Variants in BPI observed in about 807,000 individuals in gnomAD.
The protein encoded by BPI is bactericidal permeability-increasing protein.
Under a neutral mutation model 57.6 loss-of-function variants are expected in BPI, and 48 were observed. That is an observed-to-expected ratio of 0.83 (90% CI 0.66 to 1.06). The LOEUF is 1.06. Ranked by LOEUF, BPI falls within the 50% of genes least tolerant of loss-of-function variation. The pLI is 0.00. For missense variants in BPI, 651 were observed against 609.7 expected, an observed-to-expected ratio of 1.07 and a Z score of -0.71; for synonymous variants, 237 against 238.2, an observed-to-expected ratio of 0.99 and a Z score of 0.05.
chr20:38,310,781 G>T, intron 4 of BPI, 129 bp downstream of exon 4: 1 of 1,251,252 alleles, frequency 8.0e-7, no homozygotes, highest in Non-Finnish European at 1.1e-6. Context: ...CCTCAGGCAT[G>T]GTATGGGGGC....
In BPI at chr20:38,309,063, G is replaced by T. The variant is rs146270213; in HGVS notation, c.374+5G>T. On this transcript the variant is annotated splice_donor_5th_base_variant and intron_variant, in intron 3 of 14. Transcript: ENST00000642449. ...GAAGGCACAAAAGAGATTCTTGTGC[G>T]TTTCCATGCTTGCGGTTTGTTGGGT... The T allele has an allele frequency of 6.2e-7, 1 of 1,614,050 alleles. No individual in the cohort carries two copies. Among genetic ancestry groups the T allele is most frequent in the Admixed American group, 1.7e-5 (1 of 60,022 alleles).
chr20:38,320,375 C>T (rs1600705720), intron 7 of BPI, 101 bp downstream of exon 7: 2 of 1,042,330 alleles, frequency 1.9e-6, no homozygotes, highest in East Asian at 5.2e-5. Flanking sequence ...CCCCTACTTC[C>T]TATCTGACTC....
intron 9 of BPI, 66 bp from the exon 10 acceptor site, chr20:38,326,199 G>T: frequency 6.6e-7 from 1 of 1,510,868 alleles, no homozygotes; most frequent in Admixed American, 1.9e-5. Context: ...GCAGGCCAAG[G>T]TAGGATTCAG....
chr20:38,310,373 C>T (rs1169649415), intron 3 of BPI, 118 bp from the exon 4 acceptor site: 18 of 1,248,654 alleles, frequency 1.4e-5, no homozygotes, highest in Admixed American at 1.0e-4. Context: ...TCTCTCTGAA[C>T]GTACCTCCTC....
chr20:38,327,267 T>C (rs1398341000), intron 10 of BPI, among the ~76,000 whole-genome samples: 1 of 152,248 alleles, frequency 6.6e-6, no homozygotes, highest in Non-Finnish European at 1.5e-5. Flanking sequence ...AACCGGGGAC[T>C]TCCTTCTCAT....
intron 1 of BPI, among the ~76,000 whole-genome samples, chr20:38,305,626 A>G (rs1163943787): frequency 6.6e-6 from 1 of 152,072 alleles, no homozygotes; most frequent in Non-Finnish European, 1.5e-5. Context: ...AACCCCCAGA[A>G]AGCCTTCTCT....
intron 8 of BPI, 33 bp from the exon 9 acceptor site, chr20:38,324,741 C>T: frequency 6.4e-7 from 1 of 1,571,552 alleles, no homozygotes; most frequent in South Asian, 1.1e-5. Context: ...GTAACAGCAT[C>T]CTCCGAGATC....
chr20:38,318,355 C>A, intron 5 of BPI, 58 bp from the exon 6 acceptor site: 1 of 1,532,954 alleles, frequency 6.5e-7, no homozygotes, highest in South Asian at 1.1e-5. Flanking sequence ...CCGTTATTGT[C>A]AAGGGACATT....
chr20:38,327,684 G>A, intron 11 of BPI, 29 bp downstream of exon 11: 1 of 1,607,814 alleles, frequency 6.2e-7, no homozygotes, highest in South Asian at 1.1e-5. Flanking sequence ...GGAGGAGGGG[G>A]CTGCCCCTCT....
chr20:38,323,058 ATATTTCC>A, intron 7 of BPI, among the ~76,000 whole-genome samples: 1 of 152,332 alleles, frequency 6.6e-6, no homozygotes, highest in Middle Eastern at 3.4e-3. Flanking sequence ...CCATTTTGTC[ATATTTCC>A]TTCTGATTTT....
chr20:38,308,974 T>C lies in BPI; in HGVS notation c.290T>C (p.Met97Thr), dbSNP rs765285174. The C allele has an allele frequency of 1.2e-6, 2 of 1,614,236 alleles. No individual in the cohort carries two copies. Among genetic ancestry groups the C allele is most frequent in the Admixed American group, 3.3e-5 (2 of 60,032 alleles). The change falls in exon 3 of 15, where the codon ATG (methionine) becomes ACG (threonine). Residue 97 changes from methionine (M) to threonine (T), a missense_variant. Transcript: ENST00000642449. ...EFQLPSSQIS[M>T]VPNVGLKFSI... Reference sequence around the variant, plus strand: ...CAGCTTCCCAGTTCCCAGATAAGCATGGTGCCCAATGTGGGCCTTAAGTTC... The same window carrying C: ...CAGCTTCCCAGTTCCCAGATAAGCACGGTGCCCAATGTGGGCCTTAAGTTC...
At position 38,326,466 on chromosome 20, in the gene BPI, C is replaced by A. The variant is rs375867874; in HGVS notation, c.1161+34C>A. Reference sequence around the variant, plus strand: ...TTCCTGGGTTGGACAGATGAGGAGCCCCAGACAGTCCCAACAGCACTGTCT... The same window carrying A: ...TTCCTGGGTTGGACAGATGAGGAGCACCAGACAGTCCCAACAGCACTGTCT... On this transcript the variant is annotated intron_variant, in intron 10 of 14. Coordinates refer to ENST00000642449, the MANE Select transcript of BPI (RefSeq NM_001725.3). 3.8e-6 allele frequency: 6 copies of A among 1,582,298 alleles called. No individual in the cohort carries two copies. In the African/African-American group the frequency reaches 8.1e-5, roughly 21 times the overall value.
At chr20:38,319,694 T>C (rs2076671350) in intron 6 of BPI, 1 of 152,984 alleles carries the variant, frequency 6.5e-6, no homozygotes, top group Admixed American at 6.5e-5. Context: ...CTCTCCAGAC[T>C]TGAGCCAGCC....
At chr20:38,336,476 G>A (rs1018043985) in intron 14 of BPI, among the ~76,000 whole-genome samples, 5 of 151,848 alleles carry the variant, frequency 3.3e-5, no homozygotes, top group African/African-American at 9.7e-5. Context: ...TCCCCACAAA[G>A]CTGTCACCTC....
At chr20:38,321,495 A>G (rs2076685483) in intron 7 of BPI, 1 of 151,908 alleles carries the variant, frequency 6.6e-6, no homozygotes. Flanking sequence ...TTCTTATAGT[A>G]CCATGTGGAT....
chr20:38,314,931 G>A (rs114905960), intron 5 of BPI, among the ~76,000 whole-genome samples: 311 of 151,216 alleles, frequency 2.1e-3, no homozygotes, highest in African/African-American at 3.9e-3. Flanking sequence ...AGTATACACC[G>A]ATTTAATAGG....
At chr20:38,326,675 C>T (rs1433614381) in intron 10 of BPI, 1 of 453,424 alleles carries the variant, frequency 2.2e-6, no homozygotes, top group Non-Finnish European at 3.8e-6. Flanking sequence ...ATTTCTCATT[C>T]ATTCAATTAT....
In BPI at chr20:38,331,089, C is replaced by G. The variant is rs375769120; in HGVS notation, c.1271C>G (p.Pro424Arg). 1.2e-6 allele frequency: 2 copies of G among 1,613,992 alleles called. No homozygotes were observed. The highest frequency in any genetic ancestry group is 2.7e-5 in the African/African-American group (2 of 74,900). ...ELKHSNIGPFPVELLQDIMNY... is the reference protein window; with the variant it reads ...ELKHSNIGPFRVELLQDIMNY... ...AAGCACTCAAATATTGGCCCCTTCCCGGTGAGTCTGAGGCCCTTGGTGGCT... is the reference window on the plus strand; with the variant it reads ...AAGCACTCAAATATTGGCCCCTTCCGGGTGAGTCTGAGGCCCTTGGTGGCT... The change falls in exon 12 of 15, where the codon CCG becomes CGG. Residue 424 changes from proline (P) to arginine (R), a missense_variant and splice_region_variant. Transcript: ENST00000642449.
intron 12 of BPI, 65 bp from the exon 13 acceptor site, chr20:38,334,365 G>T (rs2076756745): frequency 6.8e-7 from 1 of 1,465,296 alleles, no homozygotes; most frequent in South Asian, 1.1e-5. Flanking sequence ...GGGTGATGAG[G>T]ACTGCTGGAC....
Sources: gnomAD v4.1 joint callset for allele counts (sites outside exome capture counted in the v4.1 genomes callset) on GRCh38, gnomAD v4.1.1 for gene constraint, MANE v1.5 for transcripts, NCBI Gene and HGNC (gene_info 2026-07-23, HGNC 2026-07-21) for gene names.